Variants in WWOX observed in about 807,000 individuals in gnomAD.
WWOX encodes the protein WW domain-containing oxidoreductase.
WWOX carries 69 observed loss-of-function variants against 46.2 expected under a neutral mutation model. The ratio of observed to expected loss-of-function variants is 1.49; its 90% CI spans 1.23 to 1.82. The LOEUF (loss-of-function observed/expected upper bound fraction) is 1.82, where lower values mean the gene tolerates loss of function less well. WWOX is among the 40% of genes most tolerant of loss of function. The pLI, the probability that WWOX is intolerant of heterozygous loss-of-function variation, is 0.00. For synonymous variants in WWOX, 359 were observed against 202.6 expected (o/e 1.77, Z -6.56); for missense variants, 919 against 542.6 (o/e 1.69, Z -6.89).
chr16:78,480,956 A>G (rs1462002665), intron 8 of WWOX, among the ~76,000 whole-genome samples: 6 of 152,258 alleles, frequency 3.9e-5, no homozygotes, highest in Admixed American at 1.3e-4. Flanking sequence ...AATAGCAAAT[A>G]GTAAGAAAAG....
rs1300755760 is a variant in WWOX at position 78,789,018 on chromosome 16, C to G, written c.1056+356266C>G. ...CATTTTCTCTCATTCTGTGGGTAGT[C>G]TTTTTATTCTTTTGATATCATCTCG... On this transcript the variant is annotated intron_variant, in intron 8 of 8. Transcript: ENST00000566780. 5.3e-5 allele frequency among the ~76,000 whole-genome samples: 8 copies of G among 152,112 alleles called. No homozygotes were observed. In the East Asian group the frequency reaches 1.5e-3, roughly 29 times the overall value.
chr16:78,887,476 C>T (rs1597108251), intron 8 of WWOX, among the ~76,000 whole-genome samples: 1 of 60,904 alleles, frequency 1.6e-5, no homozygotes, highest in South Asian at 8.4e-4. Flanking sequence ...AAAACACACA[C>T]ACACACACAC....
At chr16:78,992,294 C>G (rs1198636127) in intron 8 of WWOX, among the ~76,000 whole-genome samples, 2 of 77,032 alleles carry the variant, frequency 2.6e-5, no homozygotes, top group Admixed American at 3.5e-4. Flanking sequence ...GAATCCCGGT[C>G]TCTACTAAAA....
chr16:78,771,661 A>G lies in WWOX; in HGVS notation c.1056+338909A>G, dbSNP rs1241186750. Reference sequence around the variant, plus strand: ...GTGGTGGGTGTCTGTAATCCCAGCTATTTGGAAGGCTGAAGCAGGAGAATT... The same window carrying G: ...GTGGTGGGTGTCTGTAATCCCAGCTGTTTGGAAGGCTGAAGCAGGAGAATT... On this transcript the variant is annotated intron_variant, in intron 8 of 8. Transcript: ENST00000566780. Among the ~76,000 whole-genome samples, 5 of 152,016 alleles carry G rather than the reference A, an allele frequency of 3.3e-5. No homozygotes were observed. The South Asian group carries it at 8.3e-4, about 25-fold the overall frequency.
At chr16:78,284,628 C>T (rs1013860615) in intron 5 of WWOX, among the ~76,000 whole-genome samples, 4 of 152,152 alleles carry the variant, frequency 2.6e-5, no homozygotes, top group African/African-American at 9.7e-5. Flanking sequence ...TCTACAAAAT[C>T]AATCAACAAA....
chr16:79,081,795 G>C (rs568036289), intron 8 of WWOX, among the ~76,000 whole-genome samples: 1 of 152,068 alleles, frequency 6.6e-6, no homozygotes, highest in Non-Finnish European at 1.5e-5. Flanking sequence ...GCTGCCTCTG[G>C]TCTCCAGCAG....
intron 8 of WWOX, among the ~76,000 whole-genome samples, chr16:79,163,950 C>G (rs1241146235): frequency 6.6e-6 from 1 of 151,066 alleles, no homozygotes; most frequent in Non-Finnish European, 1.5e-5. Context: ...CTAGCCCAGC[C>G]CACGGTTTTC....
At chr16:78,423,743 G>C (rs1009046954) in intron 6 of WWOX, among the ~76,000 whole-genome samples, 1 of 151,830 alleles carries the variant, frequency 6.6e-6, no homozygotes, top group Non-Finnish European at 1.5e-5. Flanking sequence ...TTACTCGGGA[G>C]GCTAAGGTGG....
chr16:78,426,144 T>C (rs988863140), intron 7 of WWOX, among the ~76,000 whole-genome samples: 7 of 152,218 alleles, frequency 4.6e-5, no homozygotes, highest in African/African-American at 1.7e-4. Flanking sequence ...TTAAAAGACA[T>C]GAAACATCTA....
intron 6 of WWOX, among the ~76,000 whole-genome samples, chr16:78,396,745 G>T (rs1471910311): frequency 6.6e-6 from 1 of 152,236 alleles, no homozygotes; most frequent in Non-Finnish European, 1.5e-5. Context: ...TCATCAGCCA[G>T]ACAGTCTCTG....
chr16:79,120,698 C>T (rs2049611996), intron 8 of WWOX, among the ~76,000 whole-genome samples: 1 of 152,214 alleles, frequency 6.6e-6, no homozygotes, highest in Non-Finnish European at 1.5e-5. Flanking sequence ...GGTCACATTA[C>T]TCTATCTGTG....
At chr16:78,622,551 A>G (rs944946803) in intron 8 of WWOX, among the ~76,000 whole-genome samples, 2 of 151,884 alleles carry the variant, frequency 1.3e-5, no homozygotes, top group African/African-American at 4.8e-5. Context: ...TTAAAAAAAA[A>G]AAAAAGTGAA....
At chr16:78,686,434 C>G (rs990471627) in intron 8 of WWOX, among the ~76,000 whole-genome samples, 2 of 152,106 alleles carry the variant, frequency 1.3e-5, no homozygotes, top group African/African-American at 4.8e-5. Flanking sequence ...TGGTGTCAAC[C>G]CGGGAGGTGG....
At chr16:78,446,359 C>G (rs943200280) in intron 8 of WWOX, among the ~76,000 whole-genome samples, 4 of 152,108 alleles carry the variant, frequency 2.6e-5, no homozygotes, top group South Asian at 4.1e-4. Flanking sequence ...TGGCCTTGGT[C>G]AACATCCTGA....
chr16:78,823,845 A>G (rs2051574280), intron 8 of WWOX, among the ~76,000 whole-genome samples: 1 of 151,508 alleles, frequency 6.6e-6, no homozygotes, highest in African/African-American at 2.4e-5. Context: ...GTATGATCAT[A>G]GCTCACTACA....
chr16:79,102,399 T>C (rs2049219281), intron 8 of WWOX, among the ~76,000 whole-genome samples: 1 of 152,146 alleles, frequency 6.6e-6, no homozygotes, highest in African/African-American at 2.4e-5. Context: ...CTTTTATGAA[T>C]GTATGGAATA....
intron 8 of WWOX, among the ~76,000 whole-genome samples, chr16:78,940,533 C>G (rs1260155613): frequency 6.6e-6 from 1 of 152,146 alleles, no homozygotes; most frequent in Non-Finnish European, 1.5e-5. Flanking sequence ...CCATCGACAT[C>G]CCGTGTTCCA....
chr16:79,031,754 CTATA>C (rs199968979), intron 8 of WWOX, among the ~76,000 whole-genome samples: 2 of 140,458 alleles, frequency 1.4e-5, no homozygotes, highest in South Asian at 2.2e-4. Context: ...CTCTTTCTTT[CTATA>C]TATATATATA....
At chr16:78,976,556 C>A (rs556068767) in intron 8 of WWOX, among the ~76,000 whole-genome samples, 1 of 152,218 alleles carries the variant, frequency 6.6e-6, no homozygotes, top group Non-Finnish European at 1.5e-5. Flanking sequence ...ATAGCTTGAT[C>A]TAGGTCTCAG....
Sources: allele counts gnomAD v4.1 joint callset (sites outside exome capture counted in the v4.1 genomes callset), GRCh38; gene constraint gnomAD v4.1.1; transcripts MANE v1.5; gene names NCBI Gene and HGNC (gene_info 2026-07-23, HGNC 2026-07-21).